XKR6: variants seen among roughly 807,000 people sequenced by gnomAD.
XKR6 encodes the protein XK-related protein 6.
In XKR6, 22 loss-of-function variants were observed where a neutral mutation model predicts 56.7. The ratio of observed to expected loss-of-function variants is 0.39; its 90% CI spans 0.28 to 0.55. The LOEUF (loss-of-function observed/expected upper bound fraction) is 0.55, where lower values mean the gene tolerates loss of function less well. Ranked by LOEUF, XKR6 falls within the 20% of genes least tolerant of loss-of-function variation. XKR6 has a pLI of 0.66. For missense variants in XKR6, 852 were observed against 889.0 expected, an observed-to-expected ratio of 0.96 and a Z score of 0.53; for synonymous variants, 524 against 387.8, an observed-to-expected ratio of 1.35 and a Z score of -4.13.
intron 1 of XKR6, among the ~76,000 whole-genome samples, chr8:11,046,613 A>T (rs1799417391): frequency 6.6e-6 from 1 of 152,214 alleles, no homozygotes; most frequent in East Asian, 1.9e-4. Context: ...AGTTATAAAA[A>T]ATAAGGAAAT....
intron 1 of XKR6, among the ~76,000 whole-genome samples, chr8:11,114,272 C>G (rs1056766999): frequency 6.6e-6 from 1 of 152,122 alleles, no homozygotes; most frequent in Non-Finnish European, 1.5e-5. Context: ...TCCTGTTAGC[C>G]GCTGGGTATC....
At chr8:11,005,992 C>G (rs192481952) in intron 1 of XKR6, among the ~76,000 whole-genome samples, 1 of 151,724 alleles carries the variant, frequency 6.6e-6, no homozygotes, top group Non-Finnish European at 1.5e-5. Context: ...TACAGATGCC[C>G]GCTACCACGC....
intron 1 of XKR6, among the ~76,000 whole-genome samples, chr8:11,073,962 G>T (rs1030550216): frequency 6.6e-6 from 1 of 152,152 alleles, no homozygotes; most frequent in Non-Finnish European, 1.5e-5. Flanking sequence ...GACACACAGA[G>T]AACACCCAGC....
intron 1 of XKR6, among the ~76,000 whole-genome samples, chr8:11,081,029 C>G (rs544104705): frequency 6.6e-6 from 1 of 152,284 alleles, no homozygotes; most frequent in South Asian, 2.1e-4. Context: ...GGACAAAGAC[C>G]TCCACTGCAT....
intron 1 of XKR6, among the ~76,000 whole-genome samples, chr8:11,121,455 C>T (rs1198193329): frequency 1.3e-5 from 2 of 152,218 alleles, no homozygotes; most frequent in Non-Finnish European, 2.9e-5. Flanking sequence ...CACTGGCCAT[C>T]AGAGAAATGC....
At chr8:10,938,668 G>C (rs79591520) in intron 1 of XKR6, among the ~76,000 whole-genome samples, 4,323 of 152,208 alleles carry the variant, frequency 0.028, 220 homozygotes, top group African/African-American at 0.099. Flanking sequence ...AGAACAGATT[G>C]GTAGTTCCCA....
intron 1 of XKR6, among the ~76,000 whole-genome samples, chr8:11,100,218 A>C (rs1277941838): frequency 6.6e-6 from 1 of 152,010 alleles, no homozygotes; most frequent in Non-Finnish European, 1.5e-5. Flanking sequence ...ATGCCGAGCT[A>C]ATTTTCCGTA....
rs187785887 is a variant in XKR6 at position 11,155,616 on chromosome 8, G to A, written c.764+44960C>T. ...TTATATACAGACACAGTTTTCTCTG[G>A]ACAATTTCAGCAGTATCTCAGCACA... On this transcript the variant is annotated intron_variant, in intron 1 of 2. Transcript: ENST00000416569. 3.9e-5 allele frequency among the ~76,000 whole-genome samples: 6 copies of A among 152,270 alleles called. No individual in the cohort carries two copies. In the South Asian group the frequency reaches 1.2e-3, roughly 32 times the overall value.
At chr8:11,071,906 A>G (rs1296006351) in intron 1 of XKR6, among the ~76,000 whole-genome samples, 1 of 152,224 alleles carries the variant, frequency 6.6e-6, no homozygotes, top group African/African-American at 2.4e-5. Flanking sequence ...CTCTGAATAT[A>G]TGCACTACAC....
chr8:11,116,167 A>G (rs1380246522), intron 1 of XKR6, among the ~76,000 whole-genome samples: 1 of 152,220 alleles, frequency 6.6e-6, no homozygotes, highest in East Asian at 1.9e-4. Context: ...CTTATGTGCA[A>G]GCAGTGAAAC....
intron 1 of XKR6, among the ~76,000 whole-genome samples, chr8:11,045,124 T>G (rs1799378168): frequency 7.8e-6 from 1 of 128,148 alleles, no homozygotes; most frequent in African/African-American, 2.9e-5. Context: ...TGTCGCTCTG[T>G]CGCCCAGGCC....
chr8:11,111,575 A>G (rs1341944376), intron 1 of XKR6: 1 of 152,194 alleles, frequency 6.6e-6, no homozygotes, highest in Non-Finnish European at 1.5e-5. Flanking sequence ...CAGAAAAGAC[A>G]AGAATAGGCA....
At chr8:11,171,746 T>C (rs1051391243) in intron 1 of XKR6, among the ~76,000 whole-genome samples, 1 of 152,160 alleles carries the variant, frequency 6.6e-6, no homozygotes, top group Non-Finnish European at 1.5e-5. Flanking sequence ...ATGAACTTTT[T>C]TCCTTTAAAA....
chr8:11,063,120 T>C (rs886893530), intron 1 of XKR6: 11 of 252,816 alleles, frequency 4.4e-5, no homozygotes, highest in African/African-American at 2.3e-4. Context: ...CCTACTGCCA[T>C]AGAAGACCAA....
chr8:11,119,483 C>G (rs1184102648), intron 1 of XKR6, among the ~76,000 whole-genome samples: 2 of 152,200 alleles, frequency 1.3e-5, no homozygotes, highest in Admixed American at 1.3e-4. Flanking sequence ...CTTTATGAAT[C>G]TGGGTGCTCC....
rs893524876 is a variant in XKR6, at chr8:11,094,952, T to C, written c.764+105624A>G. Among the ~76,000 whole-genome samples, 6 of 152,306 alleles carry C rather than the reference T, an allele frequency of 3.9e-5. No homozygotes were observed. In the East Asian group the frequency reaches 9.6e-4, roughly 24 times the overall value. On this transcript the variant is annotated intron_variant, in intron 1 of 2. Coordinates refer to ENST00000416569, the MANE Select transcript of XKR6 (RefSeq NM_173683.4). The stretch of plus-strand genomic sequence containing the variant: ...GGTGCTGAGCTTAATACCTGGGTGA[T>C]GGGATGCTCTGTGAAGCAAACCACC...
At chr8:10,945,934 G>C (rs1370697913) in intron 1 of XKR6, among the ~76,000 whole-genome samples, 3 of 152,066 alleles carry the variant, frequency 2.0e-5, no homozygotes, top group Admixed American at 2.0e-4. Context: ...TAAGTCCCCA[G>C]CCCGGAGTGA....
intron 1 of XKR6, chr8:11,195,166 T>C (rs1803804445): frequency 1.4e-6 from 1 of 703,158 alleles, no homozygotes; most frequent in Admixed American, 2.0e-5. Context: ...TGAGGCAACT[T>C]CATGTGGTTA....
chr8:10,952,949 T>G (rs1160037241), intron 1 of XKR6, among the ~76,000 whole-genome samples: 2 of 152,086 alleles, frequency 1.3e-5, no homozygotes, highest in African/African-American at 4.8e-5. Flanking sequence ...GTAAACCCTG[T>G]TGTGAACTGT....
Sources: gnomAD v4.1 joint callset for allele counts (sites outside exome capture counted in the v4.1 genomes callset) on GRCh38, gnomAD v4.1.1 for gene constraint, MANE v1.5 for transcripts, NCBI Gene and HGNC (gene_info 2026-07-23, HGNC 2026-07-21) for gene names.